DPYSL5: variants seen among roughly 807,000 people sequenced by gnomAD.
DPYSL5 encodes the protein dihydropyrimidinase like 5.
DPYSL5 carries 9 observed loss-of-function variants against 58.4 expected under a neutral mutation model. The observed-to-expected ratio is 0.15, with a 90% CI of 0.09 to 0.27. The LOEUF is 0.27. Ranked by LOEUF, DPYSL5 falls within the 10% of genes least tolerant of loss-of-function variation. The probability of loss-of-function intolerance (pLI) is 1.00; values close to 1 mark genes in which losing one functional copy is unlikely to be tolerated. For missense variants in DPYSL5, 499 were observed against 770.6 expected (o/e 0.65, Z 4.17); for synonymous variants, 293 against 301.9 (o/e 0.97, Z 0.31).
chr2:26,929,827 C>A (rs1558349873), intron 5 of DPYSL5, among the ~76,000 whole-genome samples: 1 of 152,254 alleles, frequency 6.6e-6, no homozygotes, highest in Non-Finnish European at 1.5e-5. Flanking sequence ...CCTACAGTCC[C>A]CCTGCTAAAG....
In DPYSL5 at chr2:26,924,789, G is replaced by A. The variant is rs1664788276; in HGVS notation, c.262-98G>A. On this transcript the variant is annotated intron_variant, in intron 2 of 12. Coordinates refer to ENST00000288699, the MANE Select transcript of DPYSL5 (RefSeq NM_020134.4). This position sits in a 1 kb window ranked among gnomAD's most constrained non-coding sequence, Gnocchi z 4.7. Reference sequence around the variant, plus strand: ...TCCTCACAGCCTCTTGTGAGGCAGGGCCTGTCTTTGAATGGACCATGAGGA... The same window carrying A: ...TCCTCACAGCCTCTTGTGAGGCAGGACCTGTCTTTGAATGGACCATGAGGA... 1.4e-5 allele frequency: 20 copies of A among 1,464,100 alleles called. No individual in the cohort carries two copies. The highest frequency in any genetic ancestry group is 1.6e-5 in the Non-Finnish European group (18 of 1,095,514). 90.7% of individuals were successfully genotyped at this position (1,464,100 alleles called of 1,614,324 possible).
chr2:26,947,840 AG>A lies in DPYSL5; in HGVS notation c.*850del, dbSNP rs1291705950. ...AGACAGCACAGGGCAGGGGTGGTGGAGGGGGCTGGGCTCACAGGCCTCTCTT... is the reference window on the plus strand; with the variant it reads ...AGACAGCACAGGGCAGGGGTGGTGGAGGGGCTGGGCTCACAGGCCTCTCTT... On this transcript the variant is annotated 3_prime_UTR_variant, in exon 13 of 13. Coordinates refer to ENST00000288699, the MANE Select transcript of DPYSL5 (RefSeq NM_020134.4). This position sits in a 1 kb window ranked among gnomAD's most constrained non-coding sequence, Gnocchi z 4.2. 6.5e-6 allele frequency: 1 copy of A among 152,830 alleles called. No individual in the cohort carries two copies. Among genetic ancestry groups the A allele is most frequent in the Non-Finnish European group, 1.5e-5 (1 of 68,290 alleles). The allele number at this position is 152,830 out of a possible 1,614,324, so 9.5% of individuals were successfully genotyped here. A position where few individuals can be genotyped will look rare whatever the true frequency, so the allele number is the denominator to read the frequency against.
chr2:26,913,348 T>C (rs1276491513), intron 2 of DPYSL5, among the ~76,000 whole-genome samples: 1 of 152,224 alleles, frequency 6.6e-6, no homozygotes, highest in Admixed American at 6.5e-5. Context: ...CTCATATCAA[T>C]GGAATCATTC....
chr2:26,927,367 C>G lies in DPYSL5; in HGVS notation c.535C>G (p.His179Asp). ...AGACAGTGAGCTGTACCAAGTGTTG[C>G]ACGCTTGCAAGGACATTGGGGCAAT... ...LRDSELYQVL[H>D]ACKDIGAIAR... is the part of the protein sequence containing the mutation. Residue 179 changes from histidine (H) to aspartate (D), a missense_variant, in exon 4 of 13, where the codon CAC becomes GAC. Around this residue, in one of 3 missense-constraint regions of DPYSL5, gnomAD observed 404 missense variants for 647.6 expected, o/e 0.62. Coordinates refer to ENST00000288699, the MANE Select transcript of DPYSL5 (RefSeq NM_020134.4). This position sits in a 1 kb window ranked among gnomAD's most constrained non-coding sequence, Gnocchi z 4.3. The G allele has an allele frequency of 6.2e-7, 1 of 1,614,230 alleles. No individual in the cohort carries two copies.
intron 1 of DPYSL5, among the ~76,000 whole-genome samples, chr2:26,890,774 G>A (rs1440835802): frequency 3.3e-5 from 5 of 152,164 alleles, no homozygotes; most frequent in African/African-American, 7.2e-5. Context: ...GGGTGCAGGC[G>A]GGTCGGGTTG....
At chr2:26,870,675 A>C (rs72804810) in intron 1 of DPYSL5, among the ~76,000 whole-genome samples, 9,843 of 151,212 alleles carry the variant, frequency 0.065, 466 homozygotes, top group Non-Finnish European at 0.1. Flanking sequence ...ACTGCACTCC[A>C]GCCTGAGCGA....
Position 26,934,214 on chromosome 2 carries a change from A to G in DPYSL5, c.791-364A>G, listed in dbSNP as rs913016377. Among the ~76,000 whole-genome samples the G allele has an allele frequency of 1.3e-5, 2 of 152,134 alleles. No individual in the cohort carries two copies. The highest frequency in any genetic ancestry group is 4.8e-5 in the African/African-American group (2 of 41,424). On this transcript the variant is annotated intron_variant, in intron 7 of 12. Transcript: ENST00000288699. The surrounding 1 kb of genome is among the most constrained non-coding windows in gnomAD (Gnocchi z 4.3). Reference sequence around the variant, plus strand: ...ACTGCCTGTCCAGAAAACAGTCTAGACTGCTCTTTAGCGTGGCATTCGTGG... The same window carrying G: ...ACTGCCTGTCCAGAAAACAGTCTAGGCTGCTCTTTAGCGTGGCATTCGTGG...
intron 5 of DPYSL5, among the ~76,000 whole-genome samples, chr2:26,929,923 AG>A (rs1400827914): frequency 6.6e-6 from 1 of 152,190 alleles, no homozygotes; most frequent in Non-Finnish European, 1.5e-5. Flanking sequence ...GTTTTAGAAG[AG>A]GGGGAGAAAC....
chr2:26,931,772 C>A, intron 6 of DPYSL5, 88 bp downstream of exon 6: 1 of 1,430,120 alleles, frequency 7.0e-7, no homozygotes. Flanking sequence ...CTTTGGGAGG[C>A]CGAGGTGCGT....
intron 2 of DPYSL5, among the ~76,000 whole-genome samples, chr2:26,917,855 G>T (rs559123668): frequency 6.0e-4 from 91 of 152,224 alleles, no homozygotes; most frequent in Middle Eastern, 3.4e-3. Context: ...GCACGGAATG[G>T]CCAGGCTCAG....
chr2:26,854,600 A>G (rs762699275), intron 1 of DPYSL5, among the ~76,000 whole-genome samples: 1 of 152,224 alleles, frequency 6.6e-6, no homozygotes, highest in Non-Finnish European at 1.5e-5. Context: ...GCAATAGGCT[A>G]TCCCATTACA....
In DPYSL5 at chr2:26,934,165, G is replaced by A. The variant is rs963628503; in HGVS notation, c.791-413G>A. Among the ~76,000 whole-genome samples the A allele has an allele frequency of 3.9e-5, 6 of 152,060 alleles. No individual in the cohort carries two copies. Among genetic ancestry groups the A allele is most frequent in the African/African-American group, 1.2e-4 (5 of 41,396 alleles). On this transcript the variant is annotated intron_variant, in intron 7 of 12. Coordinates refer to ENST00000288699, the MANE Select transcript of DPYSL5 (RefSeq NM_020134.4). The surrounding 1 kb of genome is among the most constrained non-coding windows in gnomAD (Gnocchi z 4.3). ...CGGCCCTCCCTGTCCTACCACAACC[G>A]TTCTCTTGAAGCTGCTCACAGCAAC...
At chr2:26,922,688 C>A (rs752199833) in intron 2 of DPYSL5, among the ~76,000 whole-genome samples, 3 of 152,180 alleles carry the variant, frequency 2.0e-5, no homozygotes, top group African/African-American at 7.2e-5. Flanking sequence ...TCAATATACA[C>A]CCCCACGTGC....
chr2:26,939,854 A>G, intron 8 of DPYSL5, 177 bp from the exon 9 acceptor site: 1 of 712,404 alleles, frequency 1.4e-6, no homozygotes, highest in Non-Finnish European at 2.3e-6. Context: ...AGATGAGTAA[A>G]CTGAGGTTCA....
At position 26,947,268 on chromosome 2, in the gene DPYSL5, C is replaced by G. The variant is rs1349203235; in HGVS notation, c.*273C>G. 15 of 425,346 alleles carry G rather than the reference C, an allele frequency of 3.5e-5. No homozygotes were observed. The highest frequency in any genetic ancestry group is 2.0e-5 in the African/African-American group (1 of 50,284). 26.3% of individuals were successfully genotyped at this position (425,346 alleles called of 1,614,324 possible). On this transcript the variant is annotated 3_prime_UTR_variant, in exon 13 of 13. Coordinates refer to ENST00000288699, the MANE Select transcript of DPYSL5 (RefSeq NM_020134.4). This position sits in a 1 kb window ranked among gnomAD's most constrained non-coding sequence, Gnocchi z 4.2. Reference sequence around the variant, plus strand: ...GGGCCCAGGAAGCCCACACTATGCACAGAGCCCAATGCATAGAGCCCTGGC... The same window carrying G: ...GGGCCCAGGAAGCCCACACTATGCAGAGAGCCCAATGCATAGAGCCCTGGC...
chr2:26,890,993 A>G (rs1663866983), intron 1 of DPYSL5, among the ~76,000 whole-genome samples: 1 of 152,216 alleles, frequency 6.6e-6, no homozygotes, highest in African/African-American at 2.4e-5. Context: ...ATACAGCCAC[A>G]CTGGGGTTAA....
At chr2:26,911,076 TCA>T (rs1443481996) in intron 2 of DPYSL5, among the ~76,000 whole-genome samples, 1 of 139,844 alleles carries the variant, frequency 7.2e-6, no homozygotes, top group African/African-American at 2.7e-5. Context: ...GTATCTATGT[TCA>T]GTTTTTTTTT....
rs1204373879 is a variant in DPYSL5, at chr2:26,897,156, GT to G, written c.-4-1337del. 2.0e-5 allele frequency among the ~76,000 whole-genome samples: 3 copies of G among 152,120 alleles called. No individual in the cohort carries two copies. In the East Asian group the frequency reaches 5.8e-4, roughly 29 times the overall value. ...TTTTTTCCTTTTCAATCTATATGCT[GT>G]TTATTTCATTTTCTTTCCTTATAGT... On this transcript the variant is annotated intron_variant, in intron 1 of 12. Coordinates refer to ENST00000288699, the MANE Select transcript of DPYSL5 (RefSeq NM_020134.4).
intron 1 of DPYSL5, among the ~76,000 whole-genome samples, chr2:26,882,047 C>T (rs1179209106): frequency 2.2e-5 from 3 of 137,508 alleles, no homozygotes; most frequent in Non-Finnish European, 4.6e-5. Flanking sequence ...GCCGAGATCA[C>T]ACCACTGCAC....
Sources: allele counts gnomAD v4.1 joint callset (sites outside exome capture counted in the v4.1 genomes callset), GRCh38; gene constraint gnomAD v4.1.1; regional missense constraint gnomAD v4.1.1; non-coding constraint Gnocchi (gnomAD v3.1); transcripts MANE v1.5; gene names NCBI Gene and HGNC (gene_info 2026-07-23, HGNC 2026-07-21).